SAMD12: variants seen among roughly 807,000 people sequenced by gnomAD.
SAMD12 encodes the protein sterile alpha motif domain containing 12.
In SAMD12, 9 loss-of-function variants were observed where a neutral mutation model predicts 15.0. The observed-to-expected ratio is 0.60, with a 90% CI of 0.36 to 1.05. The LOEUF is 1.05. Ranked by LOEUF, SAMD12 falls within the 50% of genes least tolerant of loss-of-function variation. The pLI is 0.01. For synonymous variants in SAMD12, 86 were observed against 90.1 expected, an observed-to-expected ratio of 0.96 and a Z score of 0.25; for missense variants, 230 against 234.2, an observed-to-expected ratio of 0.98 and a Z score of 0.12.
intron 2 of SAMD12, among the ~76,000 whole-genome samples, chr8:118,465,872 T>G (rs1422277379): frequency 6.6e-6 from 1 of 152,138 alleles, no homozygotes; most frequent in Non-Finnish European, 1.5e-5. Context: ...TTAGGGAGCT[T>G]CTGGGACTCA....
At chr8:118,430,759 T>A (rs1822377820) in intron 3 of SAMD12, among the ~76,000 whole-genome samples, 1 of 152,192 alleles carries the variant, frequency 6.6e-6, no homozygotes, top group South Asian at 2.1e-4. Flanking sequence ...GTGTAATACA[T>A]CTTTCTCCAA....
intron 3 of SAMD12, among the ~76,000 whole-genome samples, chr8:118,393,381 T>C (rs1325158577): frequency 1.1e-5 from 1 of 87,612 alleles, no homozygotes. Flanking sequence ...TATGTATGTG[T>C]GTATATACAT....
chr8:118,511,153 A>G (rs1825069443), intron 2 of SAMD12, among the ~76,000 whole-genome samples: 1 of 152,264 alleles, frequency 6.6e-6, no homozygotes, highest in Non-Finnish European at 1.5e-5. Context: ...TCACCAAATT[A>G]GAAAAGAATA....
intron 3 of SAMD12, among the ~76,000 whole-genome samples, chr8:118,405,402 T>C (rs898843745): frequency 2.2e-5 from 3 of 138,048 alleles, no homozygotes; most frequent in Non-Finnish European, 4.9e-5. Flanking sequence ...TCAACACCGA[T>C]AAATCTGAAG....
At chr8:118,545,008 C>A (rs1826083629) in intron 2 of SAMD12, among the ~76,000 whole-genome samples, 1 of 152,200 alleles carries the variant, frequency 6.6e-6, no homozygotes, top group Non-Finnish European at 1.5e-5. Context: ...TTGTTTCACA[C>A]TAGCTGCAAC....
At chr8:118,147,820 G>A in the SAMD12 span, among the ~76,000 whole-genome samples, 2 of 152,120 alleles carry the variant, frequency 1.3e-5, no homozygotes, top group African/African-American at 4.8e-5. Context: ...GGTGCAATAA[G>A]CTCACTGTAA....
At chr8:118,569,482 T>TA (rs1826944960) in intron 2 of SAMD12, among the ~76,000 whole-genome samples, 1 of 152,296 alleles carries the variant, frequency 6.6e-6, no homozygotes, top group African/African-American at 2.4e-5. Context: ...ACAGGATACT[T>TA]AATCTGTATA....
intron 4 of SAMD12, among the ~76,000 whole-genome samples, chr8:118,267,870 C>G (rs186605575): frequency 6.6e-6 from 1 of 152,202 alleles, no homozygotes; most frequent in African/African-American, 2.4e-5. Flanking sequence ...GCTGGTGGAT[C>G]ACCTGAGGTC....
chr8:118,221,819 T>A (rs1423691562), intron 4 of SAMD12, among the ~76,000 whole-genome samples: 5 of 152,194 alleles, frequency 3.3e-5, no homozygotes, highest in African/African-American at 1.2e-4. Flanking sequence ...AGAGTTGCCG[T>A]TTTTACATTC....
chr8:118,251,929 T>TA (rs1012777871), intron 4 of SAMD12, among the ~76,000 whole-genome samples: 102 of 143,788 alleles, frequency 7.1e-4, no homozygotes, highest in Middle Eastern at 3.6e-3. Flanking sequence ...GAATTTTCAT[T>TA]AAAAAAAAAA....
chr8:118,133,500 T>C, the SAMD12 span, among the ~76,000 whole-genome samples: 1 of 152,138 alleles, frequency 6.6e-6, no homozygotes, highest in Non-Finnish European at 1.5e-5. Context: ...TCTTCCCACA[T>C]CCCCATTTGA....
At chr8:118,502,556 G>C (rs908418525) in intron 2 of SAMD12, among the ~76,000 whole-genome samples, 5 of 152,204 alleles carry the variant, frequency 3.3e-5, no homozygotes, top group Admixed American at 6.5e-5. Flanking sequence ...GTCAGGGCAA[G>C]TTAAAGCACT....
intron 2 of SAMD12, among the ~76,000 whole-genome samples, chr8:118,552,980 T>A (rs1394122378): frequency 2.6e-5 from 4 of 151,980 alleles, no homozygotes; most frequent in East Asian, 1.9e-4. Context: ...ACAAGGGACA[T>A]GAAGGACCTC....
In SAMD12 at chr8:118,621,959, G is replaced by C. The variant is rs765866508; in HGVS notation, c.-143C>G. 2 of 1,016,852 alleles carry C rather than the reference G, an allele frequency of 2.0e-6. No individual in the cohort carries two copies. The highest frequency in any genetic ancestry group is 1.3e-5 in the South Asian group (1 of 77,598). 63.0% of individuals were successfully genotyped at this position (1,016,852 alleles called of 1,614,324 possible). On this transcript the variant is annotated 5_prime_UTR_variant, in exon 1 of 4. Coordinates refer to ENST00000314727, the MANE Select transcript of SAMD12 (RefSeq NM_207506.3). The stretch of plus-strand genomic sequence containing the variant: ...CCAACCTGCCGCGGTCACGCAAAGC[G>C]AGGCAGCCGGCTCCCGGCTCGGCGC...
intron 2 of SAMD12, among the ~76,000 whole-genome samples, chr8:118,509,432 G>A (rs1825012946): frequency 6.6e-6 from 1 of 152,084 alleles, no homozygotes; most frequent in South Asian, 2.1e-4. Flanking sequence ...TAGCTTGAGG[G>A]TTTCATAAAC....
At chr8:118,328,800 C>T (rs1196212634) in intron 4 of SAMD12, among the ~76,000 whole-genome samples, 1 of 152,144 alleles carries the variant, frequency 6.6e-6, no homozygotes, top group Non-Finnish European at 1.5e-5. Flanking sequence ...AAATGATGCT[C>T]TTCCTTGTTC....
intron 4 of SAMD12, among the ~76,000 whole-genome samples, chr8:118,304,570 T>C (rs1412008634): frequency 6.6e-6 from 1 of 151,644 alleles, no homozygotes; most frequent in African/African-American, 2.4e-5. Context: ...CCATCCTGGT[T>C]AACACGGTGA....
intron 4 of SAMD12, among the ~76,000 whole-genome samples, chr8:118,311,468 C>A (rs1329710912): frequency 1.3e-5 from 2 of 152,208 alleles, no homozygotes; most frequent in Non-Finnish European, 2.9e-5. Flanking sequence ...AAGCACGAAA[C>A]ACTTACTATC....
intron 3 of SAMD12, among the ~76,000 whole-genome samples, chr8:118,388,215 A>G (rs1327358599): frequency 6.6e-6 from 1 of 152,190 alleles, no homozygotes; most frequent in Non-Finnish European, 1.5e-5. Context: ...GCAAGGAGTT[A>G]CTGCTGGGCT....
Sources: allele counts gnomAD v4.1 joint callset (sites outside exome capture counted in the v4.1 genomes callset), GRCh38; gene constraint gnomAD v4.1.1; transcripts MANE v1.5; gene names NCBI Gene and HGNC (gene_info 2026-07-23, HGNC 2026-07-21).